The following CCBE1 variants were observed in gnomAD, a reference collection of about 807,000 sequenced individuals.
CCBE1 encodes collagen and calcium-binding EGF domain-containing protein 1.
Under a neutral mutation model 50.0 loss-of-function variants are expected in CCBE1, and 37 were observed. The ratio of observed to expected loss-of-function variants is 0.74; its 90% confidence interval spans 0.57 to 0.97. The LOEUF is 0.97. Among genes scored for constraint, CCBE1 ranks in the 50% least tolerant of loss-of-function variants. CCBE1 has a pLI of 0.00. For synonymous variants in CCBE1, 234 were observed against 203.7 expected, an observed-to-expected ratio of 1.15 and a Z score of -1.27; for missense variants, 538 against 523.8, an observed-to-expected ratio of 1.03 and a Z score of -0.26.
intron 2 of CCBE1, among the ~76,000 whole-genome samples, chr18:59,585,947 G>A (rs1389869565): frequency 3.3e-5 from 5 of 152,184 alleles, no homozygotes; most frequent in Admixed American, 1.3e-4. Flanking sequence ...GATCAAAGGA[G>A]TAAACTTAGG....
intron 2 of CCBE1, among the ~76,000 whole-genome samples, chr18:59,493,276 G>A (rs993568893): frequency 4.6e-5 from 7 of 152,186 alleles, no homozygotes; most frequent in Non-Finnish European, 1.0e-4. Context: ...CAAGGACAAT[G>A]AAATACAATG....
At chr18:59,619,713 T>G (rs2053687164) in intron 2 of CCBE1, among the ~76,000 whole-genome samples, 1 of 152,202 alleles carries the variant, frequency 6.6e-6, no homozygotes, top group Admixed American at 6.5e-5. Context: ...TGTTTGGAAT[T>G]TTCTTCCAAA....
intron 2 of CCBE1, among the ~76,000 whole-genome samples, chr18:59,550,998 C>CAAAAAAAAAAAAAAAAAAA (rs555160847): frequency 3.6e-4 from 26 of 71,376 alleles, no homozygotes; most frequent in African/African-American, 4.4e-4. Flanking sequence ...CAGCGAGACT[C>CAAAAAAAAAAAAAAAAAAA]AAAAAAAAAA....
intron 2 of CCBE1, among the ~76,000 whole-genome samples, chr18:59,484,200 A>T (rs1912706731): frequency 6.6e-6 from 1 of 152,132 alleles, no homozygotes; most frequent in Non-Finnish European, 1.5e-5. Flanking sequence ...GTTATTCCTT[A>T]CTCCATTACT....
At chr18:59,666,121 G>C (rs996359145) in intron 2 of CCBE1, 1 of 152,262 alleles carries the variant, frequency 6.6e-6, no homozygotes, top group African/African-American at 2.4e-5. Flanking sequence ...CAAAAGGCGA[G>C]GAGGAACAAG....
chr18:59,576,345 C>T (rs1464201232), intron 2 of CCBE1, among the ~76,000 whole-genome samples: 1 of 152,206 alleles, frequency 6.6e-6, no homozygotes, highest in Non-Finnish European at 1.5e-5. Context: ...AAGAGAATAT[C>T]AGTGTTTTCC....
intron 2 of CCBE1, among the ~76,000 whole-genome samples, chr18:59,485,995 G>A (rs1016405714): frequency 1.3e-5 from 2 of 151,998 alleles, no homozygotes. Context: ...TGGAGCATTG[G>A]CTTTGGGGTC....
At chr18:59,455,875 C>T (rs1285047201) in intron 5 of CCBE1, among the ~76,000 whole-genome samples, 1 of 152,248 alleles carries the variant, frequency 6.6e-6, no homozygotes, top group Non-Finnish European at 1.5e-5. Flanking sequence ...CTTAGCAGCC[C>T]TTTGGCGTTG....
intron 2 of CCBE1, chr18:59,696,418 AC>A (rs2144761521): frequency 6.1e-6 from 8 of 1,304,694 alleles, no homozygotes; most frequent in Middle Eastern, 2.8e-4. Context: ...CAGGGCACAC[AC>A]CCTAGACGCA....
At chr18:59,608,827 C>A (rs533097915) in intron 2 of CCBE1, among the ~76,000 whole-genome samples, 11 of 152,324 alleles carry the variant, frequency 7.2e-5, no homozygotes, top group Admixed American at 7.2e-4. Flanking sequence ...CACATTAGAT[C>A]CTTGCTGCCC....
intron 2 of CCBE1, among the ~76,000 whole-genome samples, chr18:59,594,514 C>T (rs780603237): frequency 6.6e-6 from 1 of 152,198 alleles, no homozygotes; most frequent in Non-Finnish European, 1.5e-5. Flanking sequence ...GTGAACTGCT[C>T]ACTTAATGGT....
chr18:59,495,608 CTTT>C (rs572061962), intron 2 of CCBE1, among the ~76,000 whole-genome samples: 2 of 138,330 alleles, frequency 1.4e-5, no homozygotes, highest in Non-Finnish European at 1.6e-5. Context: ...GGGTGCTTGC[CTTT>C]TTTTTTTTTT....
At chr18:59,608,446 A>G (rs2053529353) in intron 2 of CCBE1, among the ~76,000 whole-genome samples, 1 of 152,204 alleles carries the variant, frequency 6.6e-6, no homozygotes. Flanking sequence ...CCTGCCAAAT[A>G]GCATCTTAGC....
chr18:59,468,594 C>A (rs1376614773), intron 4 of CCBE1, among the ~76,000 whole-genome samples: 1 of 152,118 alleles, frequency 6.6e-6, no homozygotes, highest in South Asian at 2.1e-4. Flanking sequence ...AACCAGAGGA[C>A]CTACGGTTAG....
At chr18:59,500,663 T>C (rs987002422) in intron 2 of CCBE1, among the ~76,000 whole-genome samples, 3 of 152,134 alleles carry the variant, frequency 2.0e-5, no homozygotes, top group Non-Finnish European at 4.4e-5. Context: ...CCTGGAGGGT[T>C]TGTGGTAGAA....
At chr18:59,512,116 G>A (rs1033319076) in intron 2 of CCBE1, among the ~76,000 whole-genome samples, 2 of 152,198 alleles carry the variant, frequency 1.3e-5, no homozygotes, top group Non-Finnish European at 2.9e-5. Context: ...TGATATGGAA[G>A]GAAGGCAGGA....
intron 5 of CCBE1, among the ~76,000 whole-genome samples, chr18:59,461,255 C>A (rs947690861): frequency 6.6e-6 from 1 of 151,766 alleles, no homozygotes; most frequent in African/African-American, 2.4e-5. Flanking sequence ...CCCTTCCCCG[C>A]CACCACTGGC....
At chr18:59,522,993 C>CTAAAA (rs1914669526) in intron 2 of CCBE1, among the ~76,000 whole-genome samples, 1 of 89,222 alleles carries the variant, frequency 1.1e-5, no homozygotes, top group African/African-American at 4.2e-5. Context: ...GACTCTGTTT[C>CTAAAA]AAAAAAAAAA....
chr18:59,581,725 GA>G (rs2053086679), intron 2 of CCBE1, among the ~76,000 whole-genome samples: 1 of 152,152 alleles, frequency 6.6e-6, no homozygotes, highest in South Asian at 2.1e-4. Context: ...CTTCCCTGGG[GA>G]ATTGGAAAGG....
Sources: gnomAD v4.1 joint callset for allele counts (sites outside exome capture counted in the v4.1 genomes callset) on GRCh38, gnomAD v4.1.1 for gene constraint, MANE v1.5 for transcripts, NCBI Gene and HGNC (gene_info 2026-07-23, HGNC 2026-07-21) for gene names.